Variants in SLCO4C1 observed in about 807,000 individuals in gnomAD.
The protein encoded by SLCO4C1 is solute carrier organic anion transporter family member 4C1.
Under a neutral mutation model 72.1 loss-of-function variants are expected in SLCO4C1, and 58 were observed. The observed-to-expected ratio is 0.80, with a 90% CI of 0.65 to 1.00. The LOEUF is 1.00. Ranked by LOEUF, SLCO4C1 falls within the 50% of genes least tolerant of loss-of-function variation. The probability of loss-of-function intolerance (pLI) is 0.00; values close to 1 mark genes in which losing one functional copy is unlikely to be tolerated. For synonymous variants in SLCO4C1, 297 were observed against 312.5 expected, an observed-to-expected ratio of 0.95 and a Z score of 0.52; for missense variants, 898 against 857.9, an observed-to-expected ratio of 1.05 and a Z score of -0.58.
intron 1 of SLCO4C1, 22 bp from the exon 2 acceptor site, chr5:102,291,628 G>T: frequency 1.7e-5 from 26 of 1,568,118 alleles, no homozygotes; most frequent in Non-Finnish European, 2.2e-5. Flanking sequence ...AAAAGTTGAT[G>T]TGCATCATTA....
Position 102,258,071 on chromosome 5 carries a change from G to T in SLCO4C1, c.1145C>A (p.Ala382Asp). 6.4e-7 allele frequency: 1 copy of T among 1,550,744 alleles called. No homozygotes were observed. Among genetic ancestry groups the T allele is most frequent in the Non-Finnish European group, 8.7e-7 (1 of 1,156,008 alleles). The change falls in exon 7 of 13, where the codon GCT becomes GAT. Residue 382 changes from alanine (A) to aspartate (D), a missense_variant. Transcript: ENST00000310954. ...PAALKNLMKN[A>D]VFMCLVLSTS... ...TGATAGAACTAAACACATAAAGACA[G>T]CATTCTTCATCAAATTCTAAAGAAA...
At chr5:102,247,198 T>C (rs2112342519) in intron 10 of SLCO4C1, 54 bp downstream of exon 10, 1 of 1,346,956 alleles carries the variant, frequency 7.4e-7, no homozygotes, top group Non-Finnish European at 1.0e-6. Flanking sequence ...AGTCCATTTG[T>C]TTTCCATCAA....
intron 2 of SLCO4C1, among the ~76,000 whole-genome samples, chr5:102,282,780 G>A (rs914078758): frequency 6.6e-6 from 1 of 152,014 alleles, no homozygotes; most frequent in Non-Finnish European, 1.5e-5. Flanking sequence ...TGACTGTGTA[G>A]TGTAGTTTAT....
chr5:102,236,959 G>C lies in SLCO4C1; in HGVS notation c.2074C>G (p.Pro692Ala), dbSNP rs772386335. Residue 692 changes from proline (P) to alanine (A), a missense_variant, in exon 13 of 13, where the codon CCA becomes GCA. By Grantham distance (27) the Pro-to-Ala change is conservative (BLOSUM62 -1). Coordinates refer to ENST00000310954, the MANE Select transcript of SLCO4C1 (RefSeq NM_180991.5). ...FNGFAIFLYK[P>A]PPSATDVSFH... ...GACACATCTGTGGCTGATGGAGGTG[G>C]TTTATACAAAAAGATTGCAAATCCA... is the stretch of plus-strand genomic sequence containing the variant. The C allele has an allele frequency of 6.2e-7, 1 of 1,611,824 alleles. No individual in the cohort carries two copies.
rs1748402224 is a variant in SLCO4C1, at chr5:102,234,713, T to A, written c.*2145A>T. Reference sequence around the variant, plus strand: ...GCCATTTCACATCTCCATCAGTGAGTTCCTCAGGATTTGCCTTTATGTTAC... The same window carrying A: ...GCCATTTCACATCTCCATCAGTGAGATCCTCAGGATTTGCCTTTATGTTAC... On this transcript the variant is annotated 3_prime_UTR_variant, in exon 13 of 13. Coordinates refer to ENST00000310954, the MANE Select transcript of SLCO4C1 (RefSeq NM_180991.5). The A allele has an allele frequency of 6.6e-6, 1 of 152,184 alleles. No individual in the cohort carries two copies. Among genetic ancestry groups the A allele is most frequent in the Admixed American group, 6.5e-5 (1 of 15,276 alleles). The allele number at this position is 152,184 out of a possible 1,614,324, so 9.4% of individuals were successfully genotyped here.
intron 8 of SLCO4C1, 101 bp from the exon 9 acceptor site, chr5:102,249,889 C>T: frequency 8.7e-7 from 1 of 1,144,102 alleles, no homozygotes; most frequent in East Asian, 2.4e-5. Context: ...TTTATTCACT[C>T]ACTCAACACA....
In SLCO4C1 at chr5:102,289,295, T is replaced by G. The variant is rs148587585; in HGVS notation, c.619+2048A>C. On this transcript the variant is annotated intron_variant, in intron 2 of 12. Transcript: ENST00000310954. ...ACAAACACCTTAATTTGTGGCAATTTTCCTTTAGGAAAATAAGTTCTTCAC... is the reference window on the plus strand; with the variant it reads ...ACAAACACCTTAATTTGTGGCAATTGTCCTTTAGGAAAATAAGTTCTTCAC... 1.2e-4 allele frequency among the ~76,000 whole-genome samples: 18 copies of G among 152,340 alleles called. No individual in the cohort carries two copies. In the East Asian group the frequency reaches 3.3e-3, roughly 28 times the overall value.
intron 2 of SLCO4C1, among the ~76,000 whole-genome samples, chr5:102,277,932 C>T (rs1749278904): frequency 6.6e-6 from 1 of 151,736 alleles, no homozygotes; most frequent in African/African-American, 2.4e-5. Flanking sequence ...TTCAGGAAAG[C>T]AAGAAGCAGA....
intron 4 of SLCO4C1, among the ~76,000 whole-genome samples, 191 bp downstream of exon 4, chr5:102,263,493 G>A (rs914251238): frequency 3.3e-5 from 5 of 151,886 alleles, no homozygotes; most frequent in African/African-American, 1.2e-4. Flanking sequence ...AATAAAAGAT[G>A]GTATAGCACT....
intron 3 of SLCO4C1, among the ~76,000 whole-genome samples, chr5:102,268,400 T>G (rs1749085209): frequency 6.6e-6 from 1 of 152,162 alleles, no homozygotes; most frequent in African/African-American, 2.4e-5. Flanking sequence ...CTATTTTGTC[T>G]AATTTAAATA....
At position 102,247,253 on chromosome 5, in the gene SLCO4C1, T is replaced by C; in HGVS notation, c.1810A>G (p.Arg604Gly). The change falls in exon 10 of 13, where the codon AGG (arginine) becomes GGG (glycine). Residue 604 changes from arginine to glycine, a missense_variant and splice_region_variant. Physicochemically the swap from Arg to Gly is moderately radical, Grantham distance 125 (BLOSUM62 -2). Transcript: ENST00000310954. ...AAAATTTCTCAACGTGCTACATACCTTAGGATAGACACAGTTATAGGAGTA... is the reference window on the plus strand; with the variant it reads ...AAAATTTCTCAACGTGCTACATACCCTAGGATAGACACAGTTATAGGAGTA... ...AGTPITVSILRCVNHRQRSLA... is the reference protein window; with the variant it reads ...AGTPITVSILGCVNHRQRSLA... 3 of 1,526,952 alleles carry C rather than the reference T, an allele frequency of 2.0e-6. No individual in the cohort carries two copies. Among genetic ancestry groups the C allele is most frequent in the Non-Finnish European group, 2.7e-6 (3 of 1,127,834 alleles). 94.6% of individuals were successfully genotyped at this position (1,526,952 alleles called of 1,614,324 possible). A position where few individuals can be genotyped will look rare whatever the true frequency, so the allele number is the denominator to read the frequency against.
chr5:102,284,951 G>A (rs1749423215), intron 2 of SLCO4C1, among the ~76,000 whole-genome samples: 2 of 152,076 alleles, frequency 1.3e-5, no homozygotes, highest in Non-Finnish European at 1.5e-5. Context: ...CATGATGATT[G>A]TGAAACTCCT....
At chr5:102,294,896 A>G (rs573077686) in intron 1 of SLCO4C1, among the ~76,000 whole-genome samples, 1 of 152,318 alleles carries the variant, frequency 6.6e-6, no homozygotes, top group Admixed American at 6.5e-5. Context: ...TCTAAAATCT[A>G]TATTTCTAAG....
intron 11 of SLCO4C1, 22 bp downstream of exon 11, chr5:102,240,696 T>C (rs371108265): frequency 4.9e-5 from 79 of 1,596,600 alleles, no homozygotes; most frequent in Non-Finnish European, 6.4e-5. Context: ...CAGTTAGCAA[T>C]GAATAAAGAA....
Position 102,285,212 on chromosome 5 carries a change from T to TAC in SLCO4C1, c.619+6129_619+6130dup, listed in dbSNP as rs3070619. Among the ~76,000 whole-genome samples, 724 of 147,812 alleles carry TAC rather than the reference T, an allele frequency of 4.9e-3. 3 individuals carry two copies. The highest frequency in any genetic ancestry group is 0.01 in the East Asian group (51 of 4,978). ...ATCCAGGATAATTCATATATATACA[T>TAC]ACACACACACACACACACACACACA... On this transcript the variant is annotated intron_variant, in intron 2 of 12. Transcript: ENST00000310954.
Position 102,280,109 on chromosome 5 carries a change from A to AG in SLCO4C1, c.620-9304_620-9303insC, listed in dbSNP as rs1398307862. 1.1e-3 allele frequency among the ~76,000 whole-genome samples: 148 copies of AG among 135,466 alleles called. 1 individual carries two copies. The highest frequency in any genetic ancestry group is 2.2e-3 in the Non-Finnish European group (129 of 59,996). The allele number at this position is 135,466 out of a possible 152,430, so 88.9% of individuals were successfully genotyped here. On this transcript the variant is annotated intron_variant, in intron 2 of 12. Coordinates refer to ENST00000310954, the MANE Select transcript of SLCO4C1 (RefSeq NM_180991.5). ...ATAAGGCAAAAAAAAAAAAAAAAAA[A>AG]AAAAAAAGAGAAAGAAAATTAGTGC...
Position 102,236,855 on chromosome 5 carries a change from A to G in SLCO4C1, c.*3T>C. On this transcript the variant is annotated 3_prime_UTR_variant, in exon 13 of 13. Coordinates refer to ENST00000310954, the MANE Select transcript of SLCO4C1 (RefSeq NM_180991.5). ...GTGTAAAACAGTCTTCTCTTTTCCC[A>G]TTTCACCCTTCTTTTACTATTTTGT... The G allele has an allele frequency of 1.2e-6, 2 of 1,610,586 alleles. No individual in the cohort carries two copies. The highest frequency in any genetic ancestry group is 1.7e-6 in the Non-Finnish European group (2 of 1,179,116).
At position 102,275,369 on chromosome 5, in the gene SLCO4C1, G is replaced by A. The variant is rs940959126; in HGVS notation, c.620-4563C>T. ...GGAGGCCAAATAAGATCATATATAC[G>A]CATAGTTGAAATAGTTGATGTACCT... is the stretch of plus-strand genomic sequence containing the variant. On this transcript the variant is annotated intron_variant, in intron 2 of 12. Transcript: ENST00000310954. Among the ~76,000 whole-genome samples the A allele has an allele frequency of 5.9e-5, 9 of 151,646 alleles. No homozygotes were observed. The South Asian group carries it at 8.3e-4, about 14-fold the overall frequency.
intron 1 of SLCO4C1, among the ~76,000 whole-genome samples, chr5:102,292,092 T>A (rs1749568596): frequency 1.3e-5 from 2 of 152,324 alleles, no homozygotes; most frequent in African/African-American, 4.8e-5. Context: ...CCCAAAGTGC[T>A]GGGATTACAG....
Sources: gnomAD v4.1 joint callset for allele counts (sites outside exome capture counted in the v4.1 genomes callset) on GRCh38, gnomAD v4.1.1 for gene constraint, MANE v1.5 for transcripts, NCBI Gene and HGNC (gene_info 2026-07-23, HGNC 2026-07-21) for gene names.